JAKMIP1: variants seen among roughly 807,000 people sequenced by gnomAD.
The protein encoded by JAKMIP1 is janus kinase and microtubule-interacting protein 1.
In JAKMIP1, 33 loss-of-function variants were observed where a neutral mutation model predicts 113.0. The ratio of observed to expected loss-of-function variants is 0.29; its 90% CI spans 0.22 to 0.39. The LOEUF is 0.39. Among genes scored for constraint, JAKMIP1 ranks in the 10% least tolerant of loss-of-function variants. The probability of loss-of-function intolerance (pLI) is 1.00; values close to 1 mark genes in which losing one functional copy is unlikely to be tolerated. For synonymous variants in JAKMIP1, 480 were observed against 459.9 expected (o/e 1.04, Z -0.56); for missense variants, 813 against 1,080.5 (o/e 0.75, Z 3.47).
chr4:6,153,279 T>G lies in JAKMIP1; in HGVS notation c.-147-40282A>C, dbSNP rs1171958888. Among the ~76,000 whole-genome samples, 1 of 152,188 alleles carries G rather than the reference T, an allele frequency of 6.6e-6. No individual in the cohort carries two copies. Among genetic ancestry groups the G allele is most frequent in the Non-Finnish European group, 1.5e-5 (1 of 68,032 alleles). On this transcript the variant is annotated intron_variant, in intron 1 of 20. Transcript: ENST00000409021. The surrounding 1 kb of genome is among the most constrained non-coding windows in gnomAD (Gnocchi z 4.9). ...CCTCTCAGCCTCAGCTCCAGGGGTC[T>G]TCCCCGAGCCTGGCCTCCTTCACAC...
chr4:6,199,181 T>C lies in JAKMIP1; in HGVS notation c.-148+1072A>G, dbSNP rs756894528. 3.9e-5 allele frequency among the ~76,000 whole-genome samples: 6 copies of C among 152,172 alleles called. No homozygotes were observed. The highest frequency in any genetic ancestry group is 8.8e-5 in the Non-Finnish European group (6 of 68,022). On this transcript the variant is annotated intron_variant, in intron 1 of 20. Coordinates refer to ENST00000409021, the MANE Select transcript of JAKMIP1 (RefSeq NM_001099433.2). The surrounding 1 kb of genome is among the most constrained non-coding windows in gnomAD (Gnocchi z 5.6). ...CAGTGTGCCTGCGAGTGTGCGCAGA[T>C]GGGGCGGGCGGCGGAGGAGGGCTGG...
At chr4:6,104,779 C>T (rs1013377999) in intron 3 of JAKMIP1, among the ~76,000 whole-genome samples, 3 of 152,206 alleles carry the variant, frequency 2.0e-5, no homozygotes, top group Middle Eastern at 3.2e-3. Context: ...CAGCTGGGCT[C>T]GCCAGCCTCC....
At position 6,137,039 on chromosome 4, in the gene JAKMIP1, A is replaced by G. The variant is rs1023053664; in HGVS notation, c.-147-24042T>C. Among the ~76,000 whole-genome samples, 1 of 152,012 alleles carries G rather than the reference A, an allele frequency of 6.6e-6. No homozygotes were observed. Among genetic ancestry groups the G allele is most frequent in the African/African-American group, 2.4e-5 (1 of 41,360 alleles). ...CCTATTCCCTCCAGTCCTCCTCTGC[A>G]CCAGTAATCAAACTCCTACACGGTG... On this transcript the variant is annotated intron_variant, in intron 1 of 20. Transcript: ENST00000409021. The surrounding 1 kb of genome is among the most constrained non-coding windows in gnomAD (Gnocchi z 4.5).
intron 12 of JAKMIP1, 88 bp downstream of exon 12, chr4:6,056,609 C>A: frequency 1.0e-6 from 1 of 975,638 alleles, no homozygotes. Context: ...GCCCAAATGG[C>A]GCTGGGCACG....
chr4:6,062,840 T>G (rs1717500228), intron 9 of JAKMIP1, among the ~76,000 whole-genome samples: 1 of 152,194 alleles, frequency 6.6e-6, no homozygotes, highest in South Asian at 2.1e-4. Flanking sequence ...GCACCTCCCA[T>G]TCTGGGAATT....
chr4:6,169,083 A>G (rs912728083), intron 1 of JAKMIP1, among the ~76,000 whole-genome samples: 2 of 152,196 alleles, frequency 1.3e-5, no homozygotes, highest in Non-Finnish European at 2.9e-5. Context: ...TGAATATATT[A>G]AGAATAGCTT....
rs1397324130 is a variant in JAKMIP1, at chr4:6,081,220, A to T, written c.1101+389T>A. Among the ~76,000 whole-genome samples, 1 of 152,222 alleles carries T rather than the reference A, an allele frequency of 6.6e-6. No individual in the cohort carries two copies. The highest frequency in any genetic ancestry group is 1.5e-5 in the Non-Finnish European group (1 of 68,038). The stretch of plus-strand genomic sequence containing the variant: ...CCTCTGCAGAGCATCGCCAGCGATC[A>T]TTGTAACAGCTTTCACTTGCTGGGT... On this transcript the variant is annotated intron_variant, in intron 6 of 20. Transcript: ENST00000409021. The surrounding 1 kb of genome is among the most constrained non-coding windows in gnomAD (Gnocchi z 4.6).
intron 20 of JAKMIP1, 73 bp downstream of exon 20, chr4:6,029,643 A>T: frequency 1.1e-5 from 11 of 988,808 alleles, no homozygotes; most frequent in Non-Finnish European, 1.7e-5. Context: ...TTTGGACCTT[A>T]TGAAATAAAA....
chr4:6,040,795 A>G lies in JAKMIP1; in HGVS notation c.2098-79T>C. 8.9e-7 allele frequency: 1 copy of G among 1,126,868 alleles called. No homozygotes were observed. Among genetic ancestry groups the G allele is most frequent in the Non-Finnish European group, 1.3e-6 (1 of 754,730 alleles). The allele number at this position is 1,126,868 out of a possible 1,614,324, so 69.8% of individuals were successfully genotyped here. ...CAGCTTCAGAGCCCGTTTGCTAGAGAGTGGCAGTCTCACCGAATTGGGGGC... is the reference window on the plus strand; with the variant it reads ...CAGCTTCAGAGCCCGTTTGCTAGAGGGTGGCAGTCTCACCGAATTGGGGGC... On this transcript the variant is annotated intron_variant, in intron 17 of 20. Transcript: ENST00000409021. This position sits in a 1 kb window ranked among gnomAD's most constrained non-coding sequence, Gnocchi z 5.8.
intron 12 of JAKMIP1, among the ~76,000 whole-genome samples, chr4:6,055,129 G>A (rs921843778): frequency 2.0e-5 from 3 of 152,146 alleles, no homozygotes; most frequent in Non-Finnish European, 4.4e-5. Flanking sequence ...GCCAGGCCAG[G>A]TTCCTCCAGT....
chr4:6,150,654 C>G lies in JAKMIP1; in HGVS notation c.-147-37657G>C, dbSNP rs915142239. On this transcript the variant is annotated intron_variant, in intron 1 of 20. Coordinates refer to ENST00000409021, the MANE Select transcript of JAKMIP1 (RefSeq NM_001099433.2). This position sits in a 1 kb window ranked among gnomAD's most constrained non-coding sequence, Gnocchi z 4.8. ...TGCATCAGCGTCTGTCTGGCTTCCT[C>G]TTCAAAACCCAACAGACTCCATCTG... 6 of 152,258 alleles carry G rather than the reference C, an allele frequency of 3.9e-5. No individual in the cohort carries two copies. The highest frequency in any genetic ancestry group is 3.3e-4 in the Admixed American group (5 of 15,292). 9.4% of individuals were successfully genotyped at this position (152,258 alleles called of 1,614,324 possible).
chr4:6,054,197 G>A (rs776884251), intron 12 of JAKMIP1, 49 bp from the exon 13 acceptor site: 36 of 1,583,894 alleles, frequency 2.3e-5, no homozygotes, highest in Non-Finnish European at 3.0e-5. Flanking sequence ...GAGCACTGGG[G>A]TCCCCTGGTC....
chr4:6,100,463 T>C (rs985949596), intron 3 of JAKMIP1, among the ~76,000 whole-genome samples: 1 of 152,256 alleles, frequency 6.6e-6, no homozygotes, highest in African/African-American at 2.4e-5. Flanking sequence ...TATATAGACA[T>C]GCCACATTTA....
intron 2 of JAKMIP1, among the ~76,000 whole-genome samples, chr4:6,109,929 A>G (rs1242181051): frequency 6.6e-6 from 1 of 152,116 alleles, no homozygotes; most frequent in African/African-American, 2.4e-5. Context: ...GTCAACCTGA[A>G]GCGGCCACAT....
chr4:6,075,591 C>T (rs370349980), intron 8 of JAKMIP1, among the ~76,000 whole-genome samples: 3 of 152,324 alleles, frequency 2.0e-5, no homozygotes, highest in Middle Eastern at 3.4e-3. Flanking sequence ...TCCCCAAATT[C>T]GGCCTCCTAA....
Position 6,158,014 on chromosome 4 carries a change from C to A in JAKMIP1, c.-148+42239G>T, listed in dbSNP as rs1357478585. Among the ~76,000 whole-genome samples the A allele has an allele frequency of 1.3e-5, 2 of 152,182 alleles. No individual in the cohort carries two copies. The highest frequency in any genetic ancestry group is 2.9e-5 in the Non-Finnish European group (2 of 68,046). On this transcript the variant is annotated intron_variant, in intron 1 of 20. Transcript: ENST00000409021. The surrounding 1 kb of genome is among the most constrained non-coding windows in gnomAD (Gnocchi z 5.3). ...TACAACTTCAGAAGAGTTATCTGGGCCACATTTCCAGGGCTATGTGCTATG... is the reference window on the plus strand; with the variant it reads ...TACAACTTCAGAAGAGTTATCTGGGACACATTTCCAGGGCTATGTGCTATG...
chr4:6,124,940 T>C (rs1325252085), intron 1 of JAKMIP1, among the ~76,000 whole-genome samples: 4 of 152,112 alleles, frequency 2.6e-5, no homozygotes, highest in African/African-American at 9.7e-5. Flanking sequence ...TGGGTTGAGA[T>C]TGCCACAGGA....
At chr4:6,029,853 T>C (rs1387136784) in intron 19 of JAKMIP1, 72 bp from the exon 20 acceptor site, 4 of 1,079,548 alleles carry the variant, frequency 3.7e-6, no homozygotes, top group Non-Finnish European at 5.6e-6. Flanking sequence ...TTATTTTTTA[T>C]TGTGGTCTAG....
At position 6,140,505 on chromosome 4, in the gene JAKMIP1, G is replaced by A. The variant is rs1266098441; in HGVS notation, c.-147-27508C>T. On this transcript the variant is annotated intron_variant, in intron 1 of 20. Coordinates refer to ENST00000409021, the MANE Select transcript of JAKMIP1 (RefSeq NM_001099433.2). This position sits in a 1 kb window ranked among gnomAD's most constrained non-coding sequence, Gnocchi z 9.4. ...TCGTGGTCCCCCCGATCAGCTTAAG[G>A]CCCCTTCCAATAATGTGGCTCGGGT... Among the ~76,000 whole-genome samples the A allele has an allele frequency of 6.6e-6, 1 of 152,032 alleles. No homozygotes were observed. The highest frequency in any genetic ancestry group is 2.4e-5 in the African/African-American group (1 of 41,352).
Sources: allele counts gnomAD v4.1 joint callset (sites outside exome capture counted in the v4.1 genomes callset), GRCh38; gene constraint gnomAD v4.1.1; non-coding constraint Gnocchi (gnomAD v3.1); transcripts MANE v1.5; gene names NCBI Gene and HGNC (gene_info 2026-07-23, HGNC 2026-07-21).